Variants in ADA observed in about 807,000 individuals in gnomAD.
The protein encoded by ADA is adenosine aminohydrolase.
Under a neutral mutation model 49.0 loss-of-function variants are expected in ADA, and 45 were observed. The ratio of observed to expected loss-of-function variants is 0.92; its 90% CI spans 0.72 to 1.18. The LOEUF is 1.18. ADA is among the 50% of genes most tolerant of loss of function. ADA has a pLI of 0.00. For synonymous variants in ADA, 173 were observed against 184.2 expected (o/e 0.94, Z 0.49); for missense variants, 445 against 472.5 (o/e 0.94, Z 0.54).
chr20:44,621,004 T>C lies in ADA; in HGVS notation c.975+14A>G, dbSNP rs200660399. On this transcript the variant is annotated intron_variant, in intron 10 of 11. Transcript: ENST00000372874. The stretch of plus-strand genomic sequence containing the variant: ...AAACCCGAGTCAAGGCCAGTATGGC[T>C]CACACCCACTCACCAGCCTTTTAAA... 54 of 1,613,642 alleles carry C rather than the reference T, an allele frequency of 3.3e-5. No homozygotes were observed. Among genetic ancestry groups the C allele is most frequent in the Non-Finnish European group, 7.6e-6 (9 of 1,179,968 alleles).
intron 2 of ADA, among the ~76,000 whole-genome samples, chr20:44,634,194 C>T (rs1463706590): frequency 6.6e-6 from 1 of 152,242 alleles, no homozygotes; most frequent in African/African-American, 2.4e-5. Flanking sequence ...TCGATCTCAT[C>T]TTGGTGCCCC....
chr20:44,629,463 C>G lies in ADA; in HGVS notation c.96-294G>C, dbSNP rs1000455538. Among the ~76,000 whole-genome samples the G allele has an allele frequency of 1.5e-4, 23 of 152,292 alleles. No homozygotes were observed. In the East Asian group the frequency reaches 3.9e-3, roughly 26 times the overall value. ...GTATGTGTGCACACATGCACACACC[C>G]CCTCCATATCCTTGGTTGACTGATG... On this transcript the variant is annotated intron_variant, in intron 2 of 11. Coordinates refer to ENST00000372874, the MANE Select transcript of ADA (RefSeq NM_000022.4).
Position 44,619,682 on chromosome 20 carries a change from G to A in ADA, c.*152C>T, listed in dbSNP as rs560858565. On this transcript the variant is annotated 3_prime_UTR_variant, in exon 12 of 12. Coordinates refer to ENST00000372874, the MANE Select transcript of ADA (RefSeq NM_000022.4). ...GTGACGCGGCCATGCCGAGGTATACGTGTGTGCAGAAATGGACACATAGGG... is the reference window on the plus strand; with the variant it reads ...GTGACGCGGCCATGCCGAGGTATACATGTGTGCAGAAATGGACACATAGGG... 2.2e-4 allele frequency: 219 copies of A among 1,002,394 alleles called. 2 individuals are homozygous for A. The South Asian group carries it at 2.7e-3, about 12-fold the overall frequency. The allele number at this position is 1,002,394 out of a possible 1,614,324, so 62.1% of individuals were successfully genotyped here.
chr20:44,640,493 C>A (rs1299894636), intron 1 of ADA, among the ~76,000 whole-genome samples: 8 of 150,982 alleles, frequency 5.3e-5, no homozygotes, highest in Non-Finnish European at 1.2e-4. Context: ...CATGGTGAAA[C>A]CCCATGTCTA....
chr20:44,632,277 A>T (rs1285990710), intron 2 of ADA, among the ~76,000 whole-genome samples: 4 of 152,168 alleles, frequency 2.6e-5, no homozygotes, highest in Non-Finnish European at 5.9e-5. Context: ...GAGAGCAGGC[A>T]TTTGTGCAGA....
chr20:44,628,414 C>G (rs2065402150), intron 3 of ADA, among the ~76,000 whole-genome samples: 1 of 152,052 alleles, frequency 6.6e-6, no homozygotes, highest in African/African-American at 2.4e-5. Context: ...GTGATCCCAG[C>G]TACTTGGGAG....
At chr20:44,622,165 G>A (rs749087370) in intron 9 of ADA, among the ~76,000 whole-genome samples, 3 of 152,200 alleles carry the variant, frequency 2.0e-5, no homozygotes, top group African/African-American at 4.8e-5. Context: ...CAGACCCTCC[G>A]GTGGAAAGCT....
intron 2 of ADA, among the ~76,000 whole-genome samples, chr20:44,635,146 C>T (rs6103791): frequency 6.6e-6 from 1 of 152,164 alleles, no homozygotes; most frequent in African/African-American, 2.4e-5. Flanking sequence ...AAAGCTGGTC[C>T]TAAGAGAGGA....
intron 9 of ADA, among the ~76,000 whole-genome samples, chr20:44,622,124 G>A (rs1270417783): frequency 2.0e-5 from 3 of 152,234 alleles, no homozygotes; most frequent in African/African-American, 7.2e-5. Flanking sequence ...ACCCTGGTTA[G>A]ACTCCAGGAT....
At chr20:44,651,160 G>A (rs2065641652) in intron 1 of ADA, among the ~76,000 whole-genome samples, 1 of 152,298 alleles carries the variant, frequency 6.6e-6, no homozygotes, top group Admixed American at 6.5e-5. Context: ...GGCGTACAAA[G>A]CTGCTTCCAT....
intron 8 of ADA, 60 bp downstream of exon 8, chr20:44,622,769 C>T (rs546350234): frequency 6.2e-7 from 1 of 1,614,080 alleles, no homozygotes; most frequent in African/African-American, 1.3e-5. Flanking sequence ...CTTTCTGCCT[C>T]TCTATACAGG....
intron 1 of ADA, among the ~76,000 whole-genome samples, chr20:44,646,641 AT>A (rs1438278931): frequency 6.6e-6 from 1 of 151,770 alleles, no homozygotes; most frequent in Non-Finnish European, 1.5e-5. Context: ...TTGTCACCCC[AT>A]TTTACAGAGG....
chr20:44,638,203 T>A (rs1018175088), intron 1 of ADA, among the ~76,000 whole-genome samples: 1 of 152,216 alleles, frequency 6.6e-6, no homozygotes, highest in Non-Finnish European at 1.5e-5. Flanking sequence ...AGTCCTTCCT[T>A]CTAGGCTTCA....
chr20:44,619,792 T>G lies in ADA; in HGVS notation c.*42A>C. The G allele has an allele frequency of 6.2e-7, 1 of 1,613,828 alleles. No individual in the cohort carries two copies. The highest frequency in any genetic ancestry group is 8.5e-7 in the Non-Finnish European group (1 of 1,179,700). On this transcript the variant is annotated 3_prime_UTR_variant, in exon 12 of 12. Coordinates refer to ENST00000372874, the MANE Select transcript of ADA (RefSeq NM_000022.4). ...AAAATGTTGCTCAGCCCCACAGAGT[T>G]GGGGTGACTCCACAGGGTGAAGGCT... is the stretch of plus-strand genomic sequence containing the variant.
At chr20:44,633,548 G>A (rs1184542141) in intron 2 of ADA, among the ~76,000 whole-genome samples, 1 of 152,180 alleles carries the variant, frequency 6.6e-6, no homozygotes, top group Non-Finnish European at 1.5e-5. Context: ...GAGCTGGGAA[G>A]ACCATGGGTT....
chr20:44,644,475 C>T (rs912079787), intron 1 of ADA, among the ~76,000 whole-genome samples: 16 of 152,300 alleles, frequency 1.1e-4, no homozygotes, highest in South Asian at 2.1e-4. Context: ...AGAACCCACA[C>T]GGGGGCAGAG....
At position 44,651,695 on chromosome 20, in the gene ADA, C is replaced by A; in HGVS notation, c.-88G>T. 7.3e-7 allele frequency: 1 copy of A among 1,367,422 alleles called. No homozygotes were observed. Among genetic ancestry groups the A allele is most frequent in the Middle Eastern group, 2.7e-4 (1 of 3,708 alleles). The allele number at this position is 1,367,422 out of a possible 1,614,324, so 84.7% of individuals were successfully genotyped here. On this transcript the variant is annotated 5_prime_UTR_variant, in exon 1 of 12. Coordinates refer to ENST00000372874, the MANE Select transcript of ADA (RefSeq NM_000022.4). ...GGTGGCCGCTCGGCTTTCCCTGGGG[C>A]CAGCGGTGGCCGCGGCCGGCCACGC...
chr20:44,634,992 G>A (rs992724869), intron 2 of ADA, among the ~76,000 whole-genome samples: 2 of 152,274 alleles, frequency 1.3e-5, no homozygotes, highest in Admixed American at 6.5e-5. Context: ...AGGGCTGGGT[G>A]GACAAGGAGC....
chr20:44,637,742 C>A (rs560004786), intron 1 of ADA, among the ~76,000 whole-genome samples: 2 of 152,288 alleles, frequency 1.3e-5, no homozygotes, highest in South Asian at 4.1e-4. Flanking sequence ...CACCAGAGGT[C>A]CTATCAGCAG....
Sources: gnomAD v4.1 joint callset for allele counts (sites outside exome capture counted in the v4.1 genomes callset) on GRCh38, gnomAD v4.1.1 for gene constraint, MANE v1.5 for transcripts, NCBI Gene and HGNC (gene_info 2026-07-23, HGNC 2026-07-21) for gene names.